NXNL2: variants seen among roughly 807,000 people sequenced by gnomAD.
The protein encoded by NXNL2 is nucleoredoxin-like protein 2.
Under a neutral mutation model 11.1 loss-of-function variants are expected in NXNL2, and 7 were observed. The observed-to-expected ratio is 0.63, with a 90% CI of 0.36 to 1.18. The LOEUF (loss-of-function observed/expected upper bound fraction) is 1.18, where lower values mean the gene tolerates loss of function less well. Among genes scored for constraint, NXNL2 ranks in the 50% most tolerant of loss-of-function variants. The pLI is 0.02. For synonymous variants in NXNL2, 109 were observed against 101.8 expected (o/e 1.07, Z -0.42); for missense variants, 233 against 217.7 (o/e 1.07, Z -0.44).
At position 88,535,560 on chromosome 9, in the gene NXNL2, C is replaced by T. The variant is rs774095666; in HGVS notation, c.126C>T (p.Arg42=). ...CGGCGGCCCGGTGCGCGCCGAGCCG[C>T]GACTTCACGCCGCTGCTCTGCGACT... The part of the protein sequence containing the change: ...YFAAARCAPS[R]DFTPLLCDFY... Residue 42 remains arginine (R), a synonymous_variant, in exon 1 of 2, where the codon CGC becomes CGT. Coordinates refer to ENST00000375854, the MANE Select transcript of NXNL2 (RefSeq NM_001161625.2). The T allele has an allele frequency of 4.4e-6, 7 of 1,609,118 alleles. No homozygotes were observed. The highest frequency in any genetic ancestry group is 5.1e-6 in the Non-Finnish European group (6 of 1,179,188).
At chr9:88,549,209 T>G (rs890703846), downstream of NXNL2, among the ~76,000 whole-genome samples, 1 of 152,168 alleles carries the variant, frequency 6.6e-6, no homozygotes, top group African/African-American at 2.4e-5. Flanking sequence ...TCTATCGTCT[T>G]GAAGAAACCT....
In NXNL2 at chr9:88,544,652, T is replaced by C; in HGVS notation, c.*105T>C. The C allele has an allele frequency of 7.0e-7, 1 of 1,435,598 alleles. No individual in the cohort carries two copies. Among genetic ancestry groups the C allele is most frequent in the Middle Eastern group, 2.5e-4 (1 of 3,928 alleles). 88.9% of individuals were successfully genotyped at this position (1,435,598 alleles called of 1,614,324 possible). ...TCCTTCCTCTGTTGGTGTGATTTCA[T>C]TGTATTTCAGAGCAGAAGCACTAAG... On this transcript the variant is annotated 3_prime_UTR_variant, in exon 2 of 2. Transcript: ENST00000375854.
chr9:88,545,332 C>T (rs570432750), downstream of NXNL2, among the ~76,000 whole-genome samples: 4 of 152,310 alleles, frequency 2.6e-5, no homozygotes, highest in South Asian at 2.1e-4. Context: ...CTCTTGCTGG[C>T]GGTCTTTCCT....
At chr9:88,568,907 A>G (rs1328838624) in intron 1 of NXNL2, among the ~76,000 whole-genome samples, 1 of 151,934 alleles carries the variant, frequency 6.6e-6, no homozygotes, top group East Asian at 1.9e-4. Context: ...TCTTTTATTC[A>G]AATTTTGTTT....
chr9:88,537,189 C>G (rs1468239687), intron 1 of NXNL2, among the ~76,000 whole-genome samples: 1 of 152,140 alleles, frequency 6.6e-6, no homozygotes, highest in African/African-American at 2.4e-5. Context: ...CTGGTTATGT[C>G]CCAGCTCTCT....
At chr9:88,554,035 TTC>T (rs1240609195) in intron 1 of NXNL2, among the ~76,000 whole-genome samples, 2 of 151,932 alleles carry the variant, frequency 1.3e-5, no homozygotes. Flanking sequence ...CGTTTGGTTC[TTC>T]TCTCTCCAGG....
At chr9:88,567,911 C>T (rs1830200729) in intron 1 of NXNL2, among the ~76,000 whole-genome samples, 1 of 152,174 alleles carries the variant, frequency 6.6e-6, no homozygotes, top group South Asian at 2.1e-4. Flanking sequence ...GGTACTGATG[C>T]TCAGAATTCA....
At chr9:88,548,017 T>TAA (rs912602770), downstream of NXNL2, among the ~76,000 whole-genome samples, 1 of 129,302 alleles carries the variant, frequency 7.7e-6, no homozygotes, top group Non-Finnish European at 1.6e-5. Context: ...AACTCCATCT[T>TAA]AAAAAAAAAA....
At chr9:88,579,868 C>T (rs565315974), downstream of NXNL2, among the ~76,000 whole-genome samples, 92 of 152,182 alleles carry the variant, frequency 6.0e-4, 1 homozygote, top group African/African-American at 2.0e-3. Flanking sequence ...CGGTGGCTCA[C>T]GCCTGTAATC....
chr9:88,573,245 G>T (rs1830299335), intron 2 of NXNL2, among the ~76,000 whole-genome samples: 1 of 152,058 alleles, frequency 6.6e-6, no homozygotes, highest in Non-Finnish European at 1.5e-5. Flanking sequence ...CTGGGTTCAG[G>T]CAGTCCTCCT....
rs1336891676 is a variant in NXNL2 at position 88,535,808 on chromosome 9, T to C, written c.302+72T>C. The C allele has an allele frequency of 5.5e-6, 7 of 1,266,764 alleles. No individual in the cohort carries two copies. The Admixed American group carries it at 7.5e-5, about 14-fold the overall frequency. 78.5% of individuals were successfully genotyped at this position (1,266,764 alleles called of 1,614,324 possible). A position where few individuals can be genotyped will look rare whatever the true frequency, so the allele number is the denominator to read the frequency against. On this transcript the variant is annotated intron_variant, in intron 1 of 1. Coordinates refer to ENST00000375854, the MANE Select transcript of NXNL2 (RefSeq NM_001161625.2). ...CCATGTTCCCCCAGGCCTCCCCCTC[T>C]GCACTGGGGAGCTCTTTATGACGCC...
intron 1 of NXNL2, among the ~76,000 whole-genome samples, chr9:88,561,426 TATCA>T (rs1258945526): frequency 6.6e-6 from 1 of 152,158 alleles, no homozygotes; most frequent in Non-Finnish European, 1.5e-5. Context: ...ATCATCTATC[TATCA>T]ATCTATCGAT....
intron 1 of NXNL2, among the ~76,000 whole-genome samples, chr9:88,553,675 G>T (rs117321517): frequency 6.6e-6 from 1 of 152,140 alleles, no homozygotes; most frequent in Non-Finnish European, 1.5e-5. Flanking sequence ...CAGAGAGAGG[G>T]CTGGCTAGGG....
chr9:88,571,914 A>G (rs930769316), intron 2 of NXNL2, among the ~76,000 whole-genome samples: 2 of 152,142 alleles, frequency 1.3e-5, no homozygotes, highest in African/African-American at 4.8e-5. Context: ...CATTTTCACC[A>G]TCAGAGGGCA....
intron 1 of NXNL2, among the ~76,000 whole-genome samples, chr9:88,540,935 ATTTTTTTTTTTT>A (rs71507764): frequency 0.059 from 5,415 of 91,168 alleles, 446 homozygotes; most frequent in African/African-American, 0.25. Flanking sequence ...ATCTCAGTAG[ATTTTTTTTTTTT>A]TTTTTTTTTT....
chr9:88,570,001 G>A (rs890877277), intron 1 of NXNL2, among the ~76,000 whole-genome samples: 3 of 151,962 alleles, frequency 2.0e-5, no homozygotes, highest in Non-Finnish European at 4.4e-5. Flanking sequence ...AAACCTCCAT[G>A]CCCATTCAGG....
downstream of NXNL2, among the ~76,000 whole-genome samples, chr9:88,580,125 C>T (rs1007323224): frequency 5.5e-5 from 8 of 145,708 alleles, no homozygotes; most frequent in African/African-American, 1.8e-4. Context: ...GGTGACAGAG[C>T]AAGACTCCAT....
Position 88,544,969 on chromosome 9 carries a change from T to C in NXNL2, c.*422T>C. ...TTAATAAAGTTTGCAAGCTGTGTACTTTAATAAACAAGTCTATTGCCTTCT... is the reference window on the plus strand; with the variant it reads ...TTAATAAAGTTTGCAAGCTGTGTACCTTAATAAACAAGTCTATTGCCTTCT... On this transcript the variant is annotated 3_prime_UTR_variant, in exon 2 of 2. Transcript: ENST00000375854. The C allele has an allele frequency of 1.1e-6, 1 of 876,942 alleles. No homozygotes were observed. The highest frequency in any genetic ancestry group is 1.2e-4 in the East Asian group (1 of 8,334). 54.3% of individuals were successfully genotyped at this position (876,942 alleles called of 1,614,324 possible).
intron 1 of NXNL2, among the ~76,000 whole-genome samples, chr9:88,565,262 G>C (rs1402461807): frequency 6.6e-6 from 1 of 152,138 alleles, no homozygotes; most frequent in Non-Finnish European, 1.5e-5. Context: ...TTCATCTGTC[G>C]ATGGACATGA....
Sources: gnomAD v4.1 joint callset for allele counts (sites outside exome capture counted in the v4.1 genomes callset) on GRCh38, gnomAD v4.1.1 for gene constraint, MANE v1.5 for transcripts, NCBI Gene and HGNC (gene_info 2026-07-23, HGNC 2026-07-21) for gene names.